RASSF8: variants seen among roughly 807,000 people sequenced by gnomAD.
RASSF8 encodes Ras association domain family member 8.
A neutral mutation model predicts 48.5 loss-of-function variants in RASSF8; 22 were observed. The ratio of observed to expected loss-of-function variants is 0.45; its 90% CI spans 0.32 to 0.65. The LOEUF is 0.65. Among genes scored for constraint, RASSF8 ranks in the 30% least tolerant of loss-of-function variants. The pLI is 0.03. For synonymous variants in RASSF8, 127 were observed against 171.5 expected, an observed-to-expected ratio of 0.74 and a Z score of 2.03; for missense variants, 418 against 489.2, an observed-to-expected ratio of 0.85 and a Z score of 1.37.
At chr12:26,031,094 C>G (rs1943020721) in intron 2 of RASSF8, among the ~76,000 whole-genome samples, 1 of 152,118 alleles carries the variant, frequency 6.6e-6, no homozygotes, top group Admixed American at 6.5e-5. Context: ...AGACTCTTTA[C>G]AGTTACGTAA....
chr12:26,065,015 C>T lies in RASSF8; in HGVS notation c.621C>T (p.Val207=). ...ATTCCAACCTTGAAGAGGAAATTGT[C>T]CGTCTAGAGCAAAAGATCAAAAGAA... ...KYNSNLEEEI[V]RLEQKIKRND... Residue 207 remains valine (V), a synonymous_variant, in exon 4 of 6, where the codon GTC becomes GTT. Coordinates refer to ENST00000689635, the MANE Select transcript of RASSF8 (RefSeq NM_001394098.1). 1.2e-6 allele frequency: 2 copies of T among 1,612,112 alleles called. No homozygotes were observed. The highest frequency in any genetic ancestry group is 1.7e-6 in the Non-Finnish European group (2 of 1,179,520).
At chr12:26,051,887 C>T (rs1313220784) in intron 2 of RASSF8, among the ~76,000 whole-genome samples, 1 of 152,190 alleles carries the variant, frequency 6.6e-6, no homozygotes, top group Non-Finnish European at 1.5e-5. Flanking sequence ...TATGTTTTCC[C>T]CATGGGTCAC....
At chr12:25,996,929 C>T (rs1404251484) in intron 2 of RASSF8, among the ~76,000 whole-genome samples, 1 of 152,124 alleles carries the variant, frequency 6.6e-6, no homozygotes, top group Non-Finnish European at 1.5e-5. Context: ...CTTGAAGTCT[C>T]AGTATTGCTA....
At chr12:25,984,224 C>CT (rs57275940) in intron 1 of RASSF8, among the ~76,000 whole-genome samples, 10,339 of 86,254 alleles carry the variant, frequency 0.12, 960 homozygotes, top group Admixed American at 0.19. Flanking sequence ...CTACACGTAG[C>CT]TTTTTTTTTT....
At chr12:25,991,157 A>G (rs1370701253) in intron 1 of RASSF8, among the ~76,000 whole-genome samples, 3 of 152,144 alleles carry the variant, frequency 2.0e-5, no homozygotes, top group Admixed American at 6.5e-5. Flanking sequence ...TAAAAGAAAT[A>G]TACAAGGAAA....
chr12:26,015,589 G>A (rs557447902), intron 2 of RASSF8, among the ~76,000 whole-genome samples: 16 of 152,262 alleles, frequency 1.1e-4, no homozygotes, highest in Non-Finnish European at 2.4e-4. Context: ...TTTTGTGTAC[G>A]TCTTTAAAGT....
At chr12:26,035,837 A>G (rs1943136144) in intron 2 of RASSF8, among the ~76,000 whole-genome samples, 1 of 144,494 alleles carries the variant, frequency 6.9e-6, no homozygotes, top group Non-Finnish European at 1.5e-5. Context: ...ATAATTTCAT[A>G]TAATTATGTA....
At chr12:26,028,712 A>G (rs1942967493) in intron 2 of RASSF8, among the ~76,000 whole-genome samples, 1 of 152,204 alleles carries the variant, frequency 6.6e-6, no homozygotes, top group African/African-American at 2.4e-5. Context: ...GGGGTGAATG[A>G]GGAAGAGTGT....
At chr12:26,035,416 AG>A (rs1304649779) in intron 2 of RASSF8, among the ~76,000 whole-genome samples, 4 of 34,578 alleles carry the variant, frequency 1.2e-4, no homozygotes, top group South Asian at 7.9e-4. Context: ...TAATTATATA[AG>A]TATATGAAAT....
At chr12:26,028,496 T>C (rs17459771) in intron 2 of RASSF8, among the ~76,000 whole-genome samples, 15,243 of 152,272 alleles carry the variant, frequency 0.1, 815 homozygotes, top group Middle Eastern at 0.16. Flanking sequence ...CTTTGGAAGG[T>C]TGTAATTTCT....
intron 1 of RASSF8, among the ~76,000 whole-genome samples, chr12:25,960,336 G>C (rs1336024473): frequency 6.6e-6 from 1 of 152,158 alleles, no homozygotes. Flanking sequence ...TCGACATCCT[G>C]TCCTTTGCCA....
chr12:25,992,094 A>G (rs1171665052), intron 1 of RASSF8, among the ~76,000 whole-genome samples: 2 of 152,222 alleles, frequency 1.3e-5, no homozygotes, highest in Admixed American at 6.5e-5. Flanking sequence ...GGTAAAAGGA[A>G]TCATTTAGGT....
At chr12:26,050,993 C>T (rs1229391821) in intron 2 of RASSF8, among the ~76,000 whole-genome samples, 1 of 152,100 alleles carries the variant, frequency 6.6e-6, no homozygotes, top group Admixed American at 6.5e-5. Context: ...TGGTTTAGGA[C>T]ATTTTAAAAA....
At chr12:26,056,987 A>G (rs1451201915) in intron 3 of RASSF8, among the ~76,000 whole-genome samples, 1 of 151,454 alleles carries the variant, frequency 6.6e-6, no homozygotes, top group Non-Finnish European at 1.5e-5. Context: ...TTTCCTTGTT[A>G]TATTTGGGAA....
chr12:26,076,989 T>G (rs1011648201), downstream of RASSF8, among the ~76,000 whole-genome samples: 1 of 152,228 alleles, frequency 6.6e-6, no homozygotes, highest in African/African-American at 2.4e-5. Flanking sequence ...TCATTGTGGT[T>G]TTGATTTGCA....
rs1004115877 is a variant in RASSF8 at position 26,071,895 on chromosome 12, C to T, written c.*3077C>T. On this transcript the variant is annotated 3_prime_UTR_variant, in exon 6 of 6. Coordinates refer to ENST00000689635, the MANE Select transcript of RASSF8 (RefSeq NM_001394098.1). ...AACATGTAAGCACTTGCTTCCACAG[C>T]ATAAATGTAATTTACATCTGCATTA... 8.1e-6 allele frequency: 8 copies of T among 984,806 alleles called. No homozygotes were observed. The highest frequency in any genetic ancestry group is 9.6e-6 in the Non-Finnish European group (8 of 829,578). The allele number at this position is 984,806 out of a possible 1,614,324, so 61.0% of individuals were successfully genotyped here. A position where few individuals can be genotyped will look rare whatever the true frequency, so the allele number is the denominator to read the frequency against.
exon 6 of RASSF8, chr12:26,079,235 A>T (rs1944096962): frequency 3.9e-6 from 2 of 507,170 alleles, no homozygotes; most frequent in South Asian, 6.5e-5. Flanking sequence ...AGGGTTTAAT[A>T]TCCAAACTAT....
At chr12:26,037,247 G>A (rs1006740814) in intron 2 of RASSF8, among the ~76,000 whole-genome samples, 2 of 152,192 alleles carry the variant, frequency 1.3e-5, no homozygotes, top group African/African-American at 4.8e-5. Flanking sequence ...CCTGAAAGCT[G>A]ACCTTCCTTA....
At chr12:25,980,911 G>A (rs1941726528) in intron 1 of RASSF8, among the ~76,000 whole-genome samples, 1 of 152,160 alleles carries the variant, frequency 6.6e-6, no homozygotes, top group African/African-American at 2.4e-5. Context: ...TATTTTGGGG[G>A]ATTGAGGGGC....
Sources: gnomAD v4.1 joint callset for allele counts (sites outside exome capture counted in the v4.1 genomes callset) on GRCh38, gnomAD v4.1.1 for gene constraint, MANE v1.5 for transcripts, NCBI Gene and HGNC (gene_info 2026-07-23, HGNC 2026-07-21) for gene names.